CDH23: variants seen among roughly 807,000 people sequenced by gnomAD.
The protein encoded by CDH23 is cadherin-23.
Under a neutral mutation model 317.1 loss-of-function variants are expected in CDH23, and 189 were observed. That is an observed-to-expected ratio of 0.60 (90% CI 0.53 to 0.67). The LOEUF (loss-of-function observed/expected upper bound fraction) is 0.67, where lower values mean the gene tolerates loss of function less well. CDH23 is among the 30% of genes least tolerant of loss of function. CDH23 has a pLI of 0.00. For missense variants in CDH23, 4,401 were observed against 4,592.4 expected (o/e 0.96, Z 1.20); for synonymous variants, 1,839 against 1,876.8 (o/e 0.98, Z 0.52).
intron 31 of CDH23, among the ~76,000 whole-genome samples, chr10:71,730,837 G>A (rs927538822): frequency 1.3e-5 from 2 of 152,224 alleles, no homozygotes; most frequent in Non-Finnish European, 2.9e-5. Flanking sequence ...CAGAGGGGAG[G>A]CCACAAGCTT....
chr10:71,426,441 G>A (rs2131966549), intron 1 of CDH23, among the ~76,000 whole-genome samples: 1 of 152,270 alleles, frequency 6.6e-6, no homozygotes, highest in East Asian at 1.9e-4. Flanking sequence ...TGTTTCCCTT[G>A]TCTGTCAAAT....
intron 4 of CDH23, 84 bp downstream of exon 4, chr10:71,510,308 G>A (rs556250583): frequency 6.6e-7 from 1 of 1,507,068 alleles, no homozygotes; most frequent in East Asian, 2.3e-5. Flanking sequence ...CCATCTTTTG[G>A]CGTCTTCCTC....
rs768386188 is a variant in CDH23, at chr10:71,790,403, C to T, written c.6039C>T (p.Asn2013=). The change falls in exon 46 of 70, where the codon AAC becomes AAT. Residue 2013 remains asparagine (N), a synonymous_variant. Coordinates refer to ENST00000224721, the MANE Select transcript of CDH23 (RefSeq NM_022124.6). ...CCCAGAGTGGCCTCTTTGACATCAA[C>T]AGCAGCACCGGTGAGGCCTCTGTGC... ...LGAQSGLFDI[N]SSTGVVTVRS... 5 of 1,612,898 alleles carry T rather than the reference C, an allele frequency of 3.1e-6. No homozygotes were observed. Among genetic ancestry groups the T allele is most frequent in the South Asian group, 1.1e-5 (1 of 90,972 alleles).
At chr10:71,489,476 T>C (rs917500765) in intron 3 of CDH23, among the ~76,000 whole-genome samples, 2 of 152,246 alleles carry the variant, frequency 1.3e-5, no homozygotes, top group African/African-American at 2.4e-5. Context: ...CTTTCCATTA[T>C]TGAAACACAG....
At chr10:71,399,063 C>G (rs900867708) in intron 1 of CDH23, among the ~76,000 whole-genome samples, 4 of 152,218 alleles carry the variant, frequency 2.6e-5, no homozygotes, top group African/African-American at 9.7e-5. Flanking sequence ...AATAGCTCCC[C>G]CACTCAACAA....
In CDH23 at chr10:71,811,422, T is replaced by A. The variant is rs770888523; in HGVS notation, c.9185T>A (p.Met3062Lys). 3 of 1,613,980 alleles carry A rather than the reference T, an allele frequency of 1.9e-6. No individual in the cohort carries two copies. The highest frequency in any genetic ancestry group is 2.5e-6 in the Non-Finnish European group (3 of 1,179,878). Residue 3062 changes from methionine (M) to lysine (K), a missense_variant, in exon 63 of 70, where the codon ATG becomes AAG. By Grantham distance (95) the Met-to-Lys change is moderately conservative. This residue lies in a region of CDH23 where 1,144 missense variants were observed against 1,138.2 expected (regional missense o/e 1.01). Transcript: ENST00000224721. ...ATCTCTGTCCGGCTGCCGGATGACA[T>A]GTCTGCCCTGCAGGTACCCGGCGAC... Reference protein sequence around the residue: ...PAISVRLPDDMSALQMAIIVL... With the variant: ...PAISVRLPDDKSALQMAIIVL...
chr10:71,632,080 TG>T (rs1831791109), intron 11 of CDH23, among the ~76,000 whole-genome samples: 2 of 152,180 alleles, frequency 1.3e-5, no homozygotes, highest in Non-Finnish European at 2.9e-5. Flanking sequence ...AATCTTTGCA[TG>T]TGTTAAAATT....
intron 9 of CDH23, among the ~76,000 whole-genome samples, chr10:71,608,668 T>A (rs1860673103): frequency 6.6e-6 from 1 of 152,122 alleles, no homozygotes; most frequent in Admixed American, 6.5e-5. Flanking sequence ...CCAGCCCTTA[T>A]CCTCAAGGCC....
At chr10:71,401,948 G>GATT (rs1186907536) in intron 1 of CDH23, among the ~76,000 whole-genome samples, 2 of 152,164 alleles carry the variant, frequency 1.3e-5, no homozygotes, top group African/African-American at 2.4e-5. Flanking sequence ...ATCCCATAGG[G>GATT]CAGAAAATGC....
chr10:71,540,108 G>A (rs1215048429), intron 6 of CDH23, among the ~76,000 whole-genome samples: 2 of 152,178 alleles, frequency 1.3e-5, no homozygotes, highest in Admixed American at 1.3e-4. Context: ...CACTAAGGAT[G>A]TGGGGCATAG....
chr10:71,497,491 C>G (rs1330955764), intron 3 of CDH23, among the ~76,000 whole-genome samples: 1 of 119,716 alleles, frequency 8.4e-6, no homozygotes, highest in Non-Finnish European at 1.9e-5. Context: ...GCTCAGGCTG[C>G]TATTTCAGGG....
At chr10:71,669,168 G>A (rs1030930821) in intron 14 of CDH23, among the ~76,000 whole-genome samples, 1 of 152,172 alleles carries the variant, frequency 6.6e-6, no homozygotes, top group Non-Finnish European at 1.5e-5. Context: ...AGGCTGATGG[G>A]GAGGCAGAGG....
chr10:71,463,061 G>A (rs907170341), intron 3 of CDH23, among the ~76,000 whole-genome samples: 12 of 152,196 alleles, frequency 7.9e-5, no homozygotes, highest in South Asian at 2.1e-4. Flanking sequence ...GGGGAGGGGG[G>A]CGTATATTTT....
intron 9 of CDH23, among the ~76,000 whole-genome samples, chr10:71,605,092 T>TCC (rs1283096613): frequency 6.6e-6 from 1 of 152,152 alleles, no homozygotes; most frequent in Non-Finnish European, 1.5e-5. Context: ...TGGGGGGTAT[T>TCC]TTGGTGCAGT....
In CDH23 at chr10:71,791,244, C is replaced by T; in HGVS notation, c.6162C>T (p.His2054=). Residue 2054 remains histidine, a synonymous_variant, in exon 47 of 70, where the codon CAC becomes CAT. Coordinates refer to ENST00000224721, the MANE Select transcript of CDH23 (RefSeq NM_022124.6). Reference sequence around the variant, plus strand: ...TCGGGCTGCTCAACAGCACGGCCCACCTGCTCATCACCATCCTGGATGACA... The same window carrying T: ...TCGGGCTGCTCAACAGCACGGCCCATCTGCTCATCACCATCCTGGATGACA... The part of the protein sequence containing the change: ...EDIGLLNSTA[H]LLITILDDND... 6.2e-7 allele frequency: 1 copy of T among 1,613,716 alleles called. No homozygotes were observed. Among genetic ancestry groups the T allele is most frequent in the Non-Finnish European group, 8.5e-7 (1 of 1,179,678 alleles).
intron 42 of CDH23, 47 bp downstream of exon 42, chr10:71,784,467 A>G: frequency 6.3e-7 from 1 of 1,588,672 alleles, no homozygotes; most frequent in East Asian, 2.2e-5. Context: ...CTGCCCCTGT[A>G]CTTGCCACAG....
chr10:71,488,770 C>T (rs1852489449), intron 3 of CDH23, among the ~76,000 whole-genome samples: 1 of 152,214 alleles, frequency 6.6e-6, no homozygotes, highest in Admixed American at 6.5e-5. Context: ...TTTTTTCCTA[C>T]TTATCCCTAG....
In CDH23 at chr10:71,702,038, C is replaced by T; in HGVS notation, c.2414C>T (p.Pro805Leu). 1 of 1,613,732 alleles carries T rather than the reference C, an allele frequency of 6.2e-7. No individual in the cohort carries two copies. Among genetic ancestry groups the T allele is most frequent in the Middle Eastern group, 1.7e-4 (1 of 6,060 alleles). The change falls in exon 23 of 70, where the codon CCA (proline) becomes CTA (leucine). Residue 805 changes from proline to leucine, a missense_variant. Pro to Leu is a moderately conservative substitution (Grantham distance 98). Coordinates refer to ENST00000224721, the MANE Select transcript of CDH23 (RefSeq NM_022124.6). ...SDVTTVVAVDPDLGENGTLVY... is the reference protein window; with the variant it reads ...SDVTTVVAVDLDLGENGTLVY... Reference sequence around the variant, plus strand: ...CCCGGGCAGGTGGTGGCTGTTGACCCAGACCTGGGGGAGAATGGCACCCTG... The same window carrying T: ...CCCGGGCAGGTGGTGGCTGTTGACCTAGACCTGGGGGAGAATGGCACCCTG...
Position 71,785,004 on chromosome 10 carries a change from T to G in CDH23, c.5616T>G (p.His1872Gln). 1 of 1,614,066 alleles carries G rather than the reference T, an allele frequency of 6.2e-7. No individual in the cohort carries two copies. The highest frequency in any genetic ancestry group is 8.5e-7 in the Non-Finnish European group (1 of 1,179,892). The stretch of plus-strand genomic sequence containing the variant: ...GCCCTGTCTCCAGCTTTGTCGCCCA[T>G]GTCCTGGCCAGTGACGCTGACAGTG... ...ENSPVSSFVA[H>Q]VLASDADSGC... The change falls in exon 43 of 70, where the codon CAT becomes CAG. Residue 1872 changes from histidine (H) to glutamine (Q), a missense_variant. Physicochemically the swap from His to Gln is conservative, Grantham distance 24 (BLOSUM62 0). Around this residue, in one of 3 missense-constraint regions of CDH23, gnomAD observed 3,068 missense variants for 3,203.3 expected, o/e 0.96. Coordinates refer to ENST00000224721, the MANE Select transcript of CDH23 (RefSeq NM_022124.6).
Sources: allele counts gnomAD v4.1 joint callset (sites outside exome capture counted in the v4.1 genomes callset), GRCh38; gene constraint gnomAD v4.1.1; regional missense constraint gnomAD v4.1.1; transcripts MANE v1.5; gene names NCBI Gene and HGNC (gene_info 2026-07-23, HGNC 2026-07-21).